The following RNF212B variants were observed in gnomAD, a reference collection of about 807,000 sequenced individuals.
RNF212B encodes the protein E3 ubiquitin-protein ligase RNF212B.
In RNF212B, 52 loss-of-function variants were observed where a neutral mutation model predicts 55.5. That is an observed-to-expected ratio of 0.94 (90% CI 0.75 to 1.18). The LOEUF (loss-of-function observed/expected upper bound fraction) is 1.18. Ranked by LOEUF, RNF212B falls within the 50% of genes most tolerant of loss-of-function variation. The pLI, the probability that RNF212B is intolerant of heterozygous loss-of-function variation, is 0.00. For synonymous variants in RNF212B, 99 were observed against 121.4 expected (o/e 0.82, Z 1.21); for missense variants, 289 against 350.4 (o/e 0.82, Z 1.40).
chr14:23,233,980 C>T (rs1466016364), upstream of RNF212B, among the ~76,000 whole-genome samples: 2 of 152,084 alleles, frequency 1.3e-5, no homozygotes, highest in Non-Finnish European at 2.9e-5. Context: ...GCCTGTAGTT[C>T]CAGCTACTCA....
chr14:23,250,349 G>A (rs1284841001), intron 4 of RNF212B, among the ~76,000 whole-genome samples: 2 of 151,968 alleles, frequency 1.3e-5, no homozygotes, highest in African/African-American at 4.8e-5. Flanking sequence ...GTGTCATGGT[G>A]GCGCGTGCCT....
intron 13 of RNF212B, 123 bp from the exon 14 acceptor site, chr14:23,270,477 T>A: frequency 1.4e-6 from 1 of 695,108 alleles, no homozygotes; most frequent in Admixed American, 2.1e-5. Context: ...CTTAAATTGC[T>A]GATTGTGTTT....
At chr14:23,198,601 G>C (rs147739962) in intron 2 of RNF212B, among the ~76,000 whole-genome samples, 3,488 of 151,830 alleles carry the variant, frequency 0.023, 139 homozygotes, top group African/African-American at 0.08. Context: ...ACTTGAACCT[G>C]GGAAGCAGAG....
At chr14:23,246,969 C>T (rs940482278) in intron 4 of RNF212B, among the ~76,000 whole-genome samples, 5 of 151,880 alleles carry the variant, frequency 3.3e-5, no homozygotes, top group African/African-American at 1.2e-4. Context: ...GGAGAAACCC[C>T]GTCTCTACTA....
At chr14:23,261,378 AC>A (rs1885284340) in intron 7 of RNF212B, 1 of 152,514 alleles carries the variant, frequency 6.6e-6, no homozygotes, top group South Asian at 2.1e-4. Context: ...GAATGTTAGT[AC>A]AGGTCTTTAA....
intron 2 of RNF212B, among the ~76,000 whole-genome samples, chr14:23,220,582 T>C (rs1881478626): frequency 6.7e-6 from 1 of 148,268 alleles, no homozygotes; most frequent in Admixed American, 6.8e-5. Context: ...TCCCAGCACT[T>C]TGGGAGGCTG....
chr14:23,199,074 A>G (rs1879022922), intron 2 of RNF212B, among the ~76,000 whole-genome samples: 1 of 152,150 alleles, frequency 6.6e-6, no homozygotes, highest in Admixed American at 6.5e-5. Flanking sequence ...TTTTGGTTTC[A>G]AAATACTGTG....
intron 1 of RNF212B, among the ~76,000 whole-genome samples, chr14:23,189,927 C>T (rs1199018468): frequency 1.3e-5 from 2 of 152,212 alleles, no homozygotes; most frequent in East Asian, 3.8e-4. Context: ...ATTACCACAT[C>T]AAAGCTTTTG....
chr14:23,210,046 G>A (rs1297279209), intron 2 of RNF212B, among the ~76,000 whole-genome samples: 3 of 152,236 alleles, frequency 2.0e-5, no homozygotes, highest in African/African-American at 7.2e-5. Flanking sequence ...AGCTACTGGG[G>A]AGGCTGAGGC....
At chr14:23,230,653 CAAAAAAAAAAAA>C (rs60122483) in intron 2 of RNF212B, among the ~76,000 whole-genome samples, 11 of 74,000 alleles carry the variant, frequency 1.5e-4, no homozygotes, top group African/African-American at 5.1e-4. Context: ...GACTCCATCT[CAAAAAAAAAAAA>C]AAAAAAAAAA....
intron 2 of RNF212B, among the ~76,000 whole-genome samples, chr14:23,207,663 C>T (rs1056293144): frequency 6.6e-6 from 1 of 152,138 alleles, no homozygotes; most frequent in Admixed American, 6.5e-5. Flanking sequence ...TCAGAATCCT[C>T]CCATGGTTAC....
chr14:23,236,835 A>C (rs1347738819), upstream of RNF212B, among the ~76,000 whole-genome samples: 1 of 151,666 alleles, frequency 6.6e-6, no homozygotes, highest in Non-Finnish European at 1.5e-5. Context: ...TTTATACCTG[A>C]ACACAATATA....
intron 4 of RNF212B, among the ~76,000 whole-genome samples, chr14:23,246,740 T>A (rs140753007): frequency 2.0e-5 from 3 of 152,276 alleles, no homozygotes; most frequent in African/African-American, 7.2e-5. Flanking sequence ...AAAACTGTAC[T>A]TTATTAGTTT....
intron 2 of RNF212B, among the ~76,000 whole-genome samples, chr14:23,200,468 G>A (rs1457625527): frequency 6.6e-6 from 1 of 152,102 alleles, no homozygotes; most frequent in Non-Finnish European, 1.5e-5. Context: ...TGGGATTACA[G>A]GTGCGTGCCA....
intron 2 of RNF212B, among the ~76,000 whole-genome samples, chr14:23,207,295 A>G (rs1879943076): frequency 6.6e-6 from 1 of 152,160 alleles, no homozygotes; most frequent in Admixed American, 6.5e-5. Flanking sequence ...TTTCTTACCT[A>G]GTGATGGGTC....
At chr14:23,259,168 G>A (rs1885091701) in intron 5 of RNF212B, among the ~76,000 whole-genome samples, 1 of 150,886 alleles carries the variant, frequency 6.6e-6, no homozygotes, top group Non-Finnish European at 1.5e-5. Context: ...TCCAGCGTGG[G>A]TGAAAAAGTG....
intron 2 of RNF212B, among the ~76,000 whole-genome samples, chr14:23,203,853 T>C (rs1879571666): frequency 6.6e-6 from 1 of 152,232 alleles, no homozygotes. Context: ...ACCAGTAGTG[T>C]AGAAGTGTTC....
At chr14:23,234,954 C>G (rs35477689), upstream of RNF212B, among the ~76,000 whole-genome samples, 1 of 151,964 alleles carries the variant, frequency 6.6e-6, no homozygotes, top group Non-Finnish European at 1.5e-5. Flanking sequence ...TGGCTCATAC[C>G]TGTAATCCCA....
intron 7 of RNF212B, among the ~76,000 whole-genome samples, chr14:23,261,643 C>G (rs1885300274): frequency 6.6e-6 from 1 of 152,144 alleles, no homozygotes; most frequent in African/African-American, 2.4e-5. Context: ...TTAGTGATAT[C>G]TATGCTCTAC....
Sources: allele counts gnomAD v4.1 joint callset (sites outside exome capture counted in the v4.1 genomes callset), GRCh38; gene constraint gnomAD v4.1.1; transcripts MANE v1.5; gene names NCBI Gene and HGNC (gene_info 2026-07-23, HGNC 2026-07-21).